The following SIPA1L3 variants were observed in gnomAD, a reference collection of about 807,000 sequenced individuals.
The protein encoded by SIPA1L3 is signal-induced proliferation-associated 1-like protein 3.
A neutral mutation model predicts 150.1 loss-of-function variants in SIPA1L3; 59 were observed. The ratio of observed to expected loss-of-function variants is 0.39; its 90% CI spans 0.32 to 0.49. The LOEUF (loss-of-function observed/expected upper bound fraction) is 0.49, where lower values mean the gene tolerates loss of function less well. Among genes scored for constraint, SIPA1L3 ranks in the 20% least tolerant of loss-of-function variants. SIPA1L3 has a pLI of 0.86. For missense variants in SIPA1L3, 2,211 were observed against 2,489.5 expected (o/e 0.89, Z 2.38); for synonymous variants, 1,070 against 1,077.6 (o/e 0.99, Z 0.14).
chr19:37,996,811 C>A (rs1401140556), intron 1 of SIPA1L3, among the ~76,000 whole-genome samples: 1 of 152,138 alleles, frequency 6.6e-6, no homozygotes, highest in Non-Finnish European at 1.5e-5. Flanking sequence ...TTCTCCCTGC[C>A]TTAACCTCCC....
chr19:38,050,193 C>T (rs1364635757), intron 2 of SIPA1L3, among the ~76,000 whole-genome samples: 1 of 152,064 alleles, frequency 6.6e-6, no homozygotes, highest in Non-Finnish European at 1.5e-5. Flanking sequence ...TGGTGGCTCA[C>T]GCCTGTAATC....
chr19:38,020,719 C>T (rs1011251674), intron 1 of SIPA1L3, among the ~76,000 whole-genome samples: 4 of 152,166 alleles, frequency 2.6e-5, no homozygotes, highest in African/African-American at 4.8e-5. Context: ...AGCATTAATT[C>T]GGGCACCAGG....
At chr19:38,177,883 A>G (rs867647556) in intron 15 of SIPA1L3, among the ~76,000 whole-genome samples, 2 of 152,030 alleles carry the variant, frequency 1.3e-5, no homozygotes, top group South Asian at 4.2e-4. Flanking sequence ...AAAATTATCC[A>G]GGCATGGTGG....
chr19:38,168,553 C>G (rs1972258164), intron 15 of SIPA1L3, among the ~76,000 whole-genome samples: 2 of 151,924 alleles, frequency 1.3e-5, no homozygotes, highest in Admixed American at 1.3e-4. Flanking sequence ...AGAGTCTATA[C>G]CAGGGGCCTC....
chr19:38,122,546 G>T (rs561294364), intron 9 of SIPA1L3, among the ~76,000 whole-genome samples: 1 of 152,220 alleles, frequency 6.6e-6, no homozygotes, highest in Admixed American at 6.5e-5. Flanking sequence ...GCTTCTCTGT[G>T]GCCTGTTCTC....
At chr19:38,013,114 C>T (rs1445396656) in intron 1 of SIPA1L3, among the ~76,000 whole-genome samples, 2 of 152,108 alleles carry the variant, frequency 1.3e-5, no homozygotes, top group African/African-American at 2.4e-5. Flanking sequence ...CTCTGAGCTC[C>T]CGTTGCCTCC....
chr19:37,977,018 A>G (rs1967093409), intron 1 of SIPA1L3, among the ~76,000 whole-genome samples: 1 of 151,738 alleles, frequency 6.6e-6, no homozygotes, highest in South Asian at 2.1e-4. Context: ...GTATGTTTTT[A>G]TAGAGACAGG....
At chr19:38,011,353 G>A (rs973153900) in intron 1 of SIPA1L3, among the ~76,000 whole-genome samples, 61 of 152,160 alleles carry the variant, frequency 4.0e-4, no homozygotes, top group African/African-American at 1.4e-3. Flanking sequence ...ATGTGCGCCT[G>A]TAGTCCCAGC....
chr19:38,065,987 C>CTTATTTATTTATTTATTTAT (rs56249728), intron 2 of SIPA1L3, among the ~76,000 whole-genome samples: 2 of 121,348 alleles, frequency 1.6e-5, no homozygotes, highest in Non-Finnish European at 3.4e-5. Context: ...GGCTTGATCT[C>CTTATTTATTTATTTATTTAT]TTATTTATTT....
intron 1 of SIPA1L3, among the ~76,000 whole-genome samples, chr19:37,962,834 C>T (rs983763178): frequency 6.6e-6 from 1 of 152,140 alleles, no homozygotes; most frequent in Non-Finnish European, 1.5e-5. Flanking sequence ...TTAGATCATA[C>T]ACTGTAGCAG....
chr19:37,908,617 T>C, intron 1 of SIPA1L3, among the ~76,000 whole-genome samples: 1 of 104,590 alleles, frequency 9.6e-6, no homozygotes, highest in East Asian at 2.6e-4. Flanking sequence ...TATCTTGCTG[T>C]TTTTTTTTTT....
chr19:38,163,350 C>T (rs569581790), intron 14 of SIPA1L3, among the ~76,000 whole-genome samples: 4 of 152,092 alleles, frequency 2.6e-5, no homozygotes, highest in East Asian at 1.9e-4. Flanking sequence ...ATTAGCCAGG[C>T]GTGGTGGCAG....
chr19:37,940,934 A>G (rs2046648934), intron 1 of SIPA1L3, among the ~76,000 whole-genome samples: 1 of 151,918 alleles, frequency 6.6e-6, no homozygotes, highest in Non-Finnish European at 1.5e-5. Flanking sequence ...AGGCCATGTC[A>G]TTTGTCCTGT....
intron 1 of SIPA1L3, among the ~76,000 whole-genome samples, chr19:38,026,611 C>T (rs1319883787): frequency 6.6e-6 from 1 of 152,136 alleles, no homozygotes; most frequent in Non-Finnish European, 1.5e-5. Flanking sequence ...ACTAACTTCA[C>T]GAAGCTGAAT....
intron 1 of SIPA1L3, among the ~76,000 whole-genome samples, chr19:37,933,622 G>A (rs1181529917): frequency 6.6e-6 from 1 of 152,170 alleles, no homozygotes; most frequent in Non-Finnish European, 1.5e-5. Context: ...CCCCGTTTGG[G>A]GTTTGAGGAG....
intron 2 of SIPA1L3, among the ~76,000 whole-genome samples, chr19:38,035,682 C>T (rs1051254493): frequency 2.0e-5 from 3 of 151,938 alleles, no homozygotes; most frequent in Non-Finnish European, 4.4e-5. Context: ...GTACCTAGGA[C>T]AGTACCTGGC....
intron 16 of SIPA1L3, chr19:38,186,205 G>A (rs1003493357): frequency 6.6e-6 from 1 of 152,252 alleles, no homozygotes; most frequent in African/African-American, 2.4e-5. Context: ...GTATATGTGT[G>A]TGTTGGTGTA....
At chr19:38,118,851 C>T (rs1268700667) in intron 8 of SIPA1L3, among the ~76,000 whole-genome samples, 3 of 151,926 alleles carry the variant, frequency 2.0e-5, no homozygotes, top group African/African-American at 4.8e-5. Flanking sequence ...TATTAGATTT[C>T]GAATCTGGTT....
At chr19:37,918,851 G>A (rs1413090833) in intron 1 of SIPA1L3, among the ~76,000 whole-genome samples, 2 of 151,118 alleles carry the variant, frequency 1.3e-5, no homozygotes, top group African/African-American at 4.9e-5. Flanking sequence ...AGCCTGGGCG[G>A]CAGAGCGAGA....
Sources: allele counts gnomAD v4.1 joint callset (sites outside exome capture counted in the v4.1 genomes callset), GRCh38; gene constraint gnomAD v4.1.1; transcripts MANE v1.5; gene names NCBI Gene and HGNC (gene_info 2026-07-23, HGNC 2026-07-21).